Variants in MTMR7 observed in about 807,000 individuals in gnomAD.
The protein encoded by MTMR7 is phosphatidylinositol-3-phosphate phosphatase MTMR7.
A neutral mutation model predicts 81.2 loss-of-function variants in MTMR7; 76 were observed. That is an observed-to-expected ratio of 0.94 (90% CI 0.78 to 1.13). The LOEUF (loss-of-function observed/expected upper bound fraction) is 1.13. MTMR7 is among the 50% of genes most tolerant of loss of function. MTMR7 has a pLI of 0.00. For synonymous variants in MTMR7, 372 were observed against 289.8 expected, an observed-to-expected ratio of 1.28 and a Z score of -2.88; for missense variants, 1,044 against 820.0, an observed-to-expected ratio of 1.27 and a Z score of -3.34.
At position 17,300,176 on chromosome 8, in the gene MTMR7, T is replaced by G. The variant is rs1817022500; in HGVS notation, c.1669A>C (p.Ser557Arg). ...KVQLNCTKVK[S>R]KQSEPSKHSG... ...TGCTTGCTGGGCTCACTTTGCTTAC[T>G]CTTCACCTTAGTGCAATTTAACTGG... The change falls in exon 14 of 14, where the codon AGT (serine) becomes CGT (arginine). Residue 557 changes from serine to arginine, a missense_variant. Physicochemically the swap from Ser to Arg is moderately radical, Grantham distance 110 (BLOSUM62 -1). Coordinates refer to ENST00000180173, the MANE Select transcript of MTMR7 (RefSeq NM_004686.5). 1.9e-6 allele frequency: 3 copies of G among 1,614,108 alleles called. No individual in the cohort carries two copies. Among genetic ancestry groups the G allele is most frequent in the Non-Finnish European group, 2.5e-6 (3 of 1,179,966 alleles).
intron 4 of MTMR7, among the ~76,000 whole-genome samples, chr8:17,353,730 G>A (rs892429438): frequency 5.3e-5 from 8 of 152,130 alleles, no homozygotes; most frequent in African/African-American, 1.4e-4. Flanking sequence ...TAATGAAAGT[G>A]GATTAGTCAG....
chr8:17,326,521 A>G (rs1163643653), intron 7 of MTMR7: 1 of 152,224 alleles, frequency 6.6e-6, no homozygotes, highest in Non-Finnish European at 1.5e-5. Flanking sequence ...TCACTGTAAT[A>G]TGATAAAAAG....
At position 17,301,907 on chromosome 8, in the gene MTMR7, C is replaced by T. The variant is rs974757151; in HGVS notation, c.1620+247G>A. The T allele has an allele frequency of 1.8e-5, 8 of 439,322 alleles. No individual in the cohort carries two copies. The Admixed American group carries it at 2.1e-4, about 11-fold the overall frequency. 27.2% of individuals were successfully genotyped at this position (439,322 alleles called of 1,614,324 possible). A position where few individuals can be genotyped will look rare whatever the true frequency, so the allele number is the denominator to read the frequency against. On this transcript the variant is annotated intron_variant, in intron 13 of 13. Coordinates refer to ENST00000180173, the MANE Select transcript of MTMR7 (RefSeq NM_004686.5). ...AAATAACAGTAACCAAACAAGTTGACCTAAAATAAGGAACAACCAAAAATT... is the reference window on the plus strand; with the variant it reads ...AAATAACAGTAACCAAACAAGTTGATCTAAAATAAGGAACAACCAAAAATT...
intron 8 of MTMR7, 51 bp from the exon 9 acceptor site, chr8:17,311,687 C>T (rs1297270096): frequency 6.2e-7 from 1 of 1,611,480 alleles, no homozygotes; most frequent in Admixed American, 1.7e-5. Context: ...TGTAAAAAGG[C>T]AGAACCTCTC....
Position 17,337,469 on chromosome 8 carries a change from T to G in MTMR7, c.732+3894A>C, listed in dbSNP as rs1486069818. On this transcript the variant is annotated intron_variant, in intron 6 of 13. Coordinates refer to ENST00000180173, the MANE Select transcript of MTMR7 (RefSeq NM_004686.5). Reference sequence around the variant, plus strand: ...AAGGCTGCAGTGAGTTAGCCCTCATTTGAAAATTCAGCGAAGACTGCGACA... The same window carrying G: ...AAGGCTGCAGTGAGTTAGCCCTCATGTGAAAATTCAGCGAAGACTGCGACA... Among the ~76,000 whole-genome samples, 4 of 152,106 alleles carry G rather than the reference T, an allele frequency of 2.6e-5. No homozygotes were observed. The East Asian group carries it at 7.7e-4, about 29-fold the overall frequency.
intron 7 of MTMR7, among the ~76,000 whole-genome samples, chr8:17,313,973 A>T (rs1817925894): frequency 6.6e-6 from 1 of 152,210 alleles, no homozygotes; most frequent in African/African-American, 2.4e-5. Context: ...TATGCCTCTG[A>T]TCCAATTCTA....
chr8:17,327,791 T>A (rs985624154), intron 7 of MTMR7, among the ~76,000 whole-genome samples: 1 of 152,232 alleles, frequency 6.6e-6, no homozygotes, highest in Non-Finnish European at 1.5e-5. Flanking sequence ...AATGGTACTT[T>A]GAGGTTTTAA....
chr8:17,351,870 A>T (rs915783017), intron 4 of MTMR7, among the ~76,000 whole-genome samples: 2 of 152,254 alleles, frequency 1.3e-5, no homozygotes, highest in Non-Finnish European at 2.9e-5. Context: ...TCCTGCTTTC[A>T]TCAAAGTAGA....
intron 1 of MTMR7, among the ~76,000 whole-genome samples, chr8:17,384,792 A>C (rs190620471): frequency 9.6e-4 from 147 of 152,362 alleles, no homozygotes; most frequent in African/African-American, 3.4e-3. Flanking sequence ...TGACAGAGAA[A>C]TAAAGAACGT....
intron 1 of MTMR7, among the ~76,000 whole-genome samples, chr8:17,394,229 C>A (rs1303842775): frequency 1.3e-5 from 2 of 152,070 alleles, no homozygotes; most frequent in African/African-American, 2.4e-5. Flanking sequence ...TTTTCACACA[C>A]AAAGAAATTT....
chr8:17,325,878 C>T (rs1170125396), intron 7 of MTMR7, among the ~76,000 whole-genome samples: 1 of 152,196 alleles, frequency 6.6e-6, no homozygotes. Context: ...AATTCACCTA[C>T]AGCCCATCAA....
chr8:17,357,898 CT>C (rs146174235), intron 4 of MTMR7, among the ~76,000 whole-genome samples: 16,894 of 152,130 alleles, frequency 0.11, 1,093 homozygotes, highest in African/African-American at 0.18. Context: ...AAATAAATAA[CT>C]TTTTTTCTTT....
chr8:17,348,139 A>C (rs1400493517), intron 5 of MTMR7, among the ~76,000 whole-genome samples: 1 of 152,150 alleles, frequency 6.6e-6, no homozygotes, highest in Non-Finnish European at 1.5e-5. Context: ...TTACAGACAA[A>C]CCCAATTCTG....
chr8:17,341,561 C>T (rs973649792), intron 5 of MTMR7, 64 bp from the exon 6 acceptor site: 8 of 1,561,856 alleles, frequency 5.1e-6, no homozygotes, highest in Non-Finnish European at 6.1e-6. Context: ...AGACACTCTA[C>T]GTGTGTCTCC....
At position 17,335,381 on chromosome 8, in the gene MTMR7, A is replaced by T. The variant is rs538555061; in HGVS notation, c.733-4099T>A. On this transcript the variant is annotated intron_variant, in intron 6 of 13. Transcript: ENST00000180173. ...GGAGAGCAGGCCAAGACTGTGAAGA[A>T]ACAGCATGAGATTCTCACCCTAACC... is the stretch of plus-strand genomic sequence containing the variant. Among the ~76,000 whole-genome samples, 7 of 152,284 alleles carry T rather than the reference A, an allele frequency of 4.6e-5. No individual in the cohort carries two copies. The South Asian group carries it at 1.2e-3, about 27-fold the overall frequency.
Position 17,373,211 on chromosome 8 carries a change from C to A in MTMR7, c.54G>T (p.Val18=). ...TACCTAGAGCTGCTTTTTTAGGAGA[C>A]ACTCGATCTACCAAGCGGACATTTT... ...KVENVRLVDR[V]SPKKAALGTL... is the part of the protein sequence containing the mutation. The change falls in exon 2 of 14, where the codon GTG becomes GTT. Residue 18 remains valine (V), a synonymous_variant. Coordinates refer to ENST00000180173, the MANE Select transcript of MTMR7 (RefSeq NM_004686.5). The A allele has an allele frequency of 1.2e-6, 2 of 1,613,482 alleles. No homozygotes were observed. Among genetic ancestry groups the A allele is most frequent in the Non-Finnish European group, 1.7e-6 (2 of 1,179,698 alleles).
chr8:17,337,966 T>C (rs925804170), intron 6 of MTMR7, among the ~76,000 whole-genome samples: 5 of 152,208 alleles, frequency 3.3e-5, no homozygotes, highest in African/African-American at 1.2e-4. Context: ...CCTTTTTCTT[T>C]TTAATGAAAC....
intron 1 of MTMR7, among the ~76,000 whole-genome samples, chr8:17,397,203 A>C (rs1234095204): frequency 6.6e-6 from 1 of 151,888 alleles, no homozygotes; most frequent in African/African-American, 2.4e-5. Flanking sequence ...GGAAAAGTTA[A>C]GGGCACTTTG....
chr8:17,346,888 A>T (rs1188078878), intron 5 of MTMR7, among the ~76,000 whole-genome samples: 4 of 146,516 alleles, frequency 2.7e-5, no homozygotes, highest in African/African-American at 1.0e-4. Flanking sequence ...TCTTAATAAA[A>T]AAAAAAAAAA....
Sources: gnomAD v4.1 joint callset for allele counts (sites outside exome capture counted in the v4.1 genomes callset) on GRCh38, gnomAD v4.1.1 for gene constraint, MANE v1.5 for transcripts, NCBI Gene and HGNC (gene_info 2026-07-23, HGNC 2026-07-21) for gene names.